ZMYND8: variants seen among roughly 807,000 people sequenced by gnomAD.
ZMYND8 encodes zinc finger MYND-type containing 8, also known as MYND-type zinc finger-containing chromatin reader ZMYND8.
In ZMYND8, 37 loss-of-function variants were observed where a neutral mutation model predicts 140.8. The ratio of observed to expected loss-of-function variants is 0.26; its 90% CI spans 0.20 to 0.35. The LOEUF is 0.35. ZMYND8 is among the 10% of genes least tolerant of loss of function. The pLI is 1.00. For synonymous variants in ZMYND8, 592 were observed against 597.1 expected, an observed-to-expected ratio of 0.99 and a Z score of 0.12; for missense variants, 1,068 against 1,570.0, an observed-to-expected ratio of 0.68 and a Z score of 5.40.
chr20:47,344,124 C>A (rs552105665), intron 2 of ZMYND8, among the ~76,000 whole-genome samples: 4 of 151,772 alleles, frequency 2.6e-5, no homozygotes, highest in Non-Finnish European at 5.9e-5. Context: ...ACTAGAGGTG[C>A]CTGCCACCAC....
chr20:47,230,139 T>C (rs928465362), intron 16 of ZMYND8, among the ~76,000 whole-genome samples: 1 of 152,146 alleles, frequency 6.6e-6, no homozygotes, highest in African/African-American at 2.4e-5. Flanking sequence ...ATTAATGGGG[T>C]AAAAATTTCC....
intron 2 of ZMYND8, among the ~76,000 whole-genome samples, chr20:47,313,240 A>T (rs927099490): frequency 2.4e-4 from 35 of 146,800 alleles, no homozygotes; most frequent in African/African-American, 7.9e-4. Flanking sequence ...AAAAAAAAAA[A>T]TTTAATTATA....
chr20:47,269,097 G>A (rs1339184884), intron 11 of ZMYND8, among the ~76,000 whole-genome samples: 1 of 152,140 alleles, frequency 6.6e-6, no homozygotes, highest in African/African-American at 2.4e-5. Flanking sequence ...TACTTGGGGG[G>A]CTGAGGCAAG....
chr20:47,272,228 C>T (rs991576333), intron 11 of ZMYND8, among the ~76,000 whole-genome samples: 1 of 151,920 alleles, frequency 6.6e-6, no homozygotes, highest in African/African-American at 2.4e-5. Context: ...CAGGCACATG[C>T]CACCACGCCC....
In ZMYND8 at chr20:47,236,521, G is replaced by T. The variant is rs767479256; in HGVS notation, c.2666-5C>A. On this transcript the variant is annotated splice_region_variant and splice_polypyrimidine_tract_variant and intron_variant, in intron 15 of 22. Coordinates refer to ENST00000471951, the MANE Select transcript of ZMYND8 (RefSeq NM_001281775.3). Reference sequence around the variant, plus strand: ...TGATCTCCTTCTGCTGGACAGCTAGGAAGGCAAAGCATCCTGATTACCCCA... The same window carrying T: ...TGATCTCCTTCTGCTGGACAGCTAGTAAGGCAAAGCATCCTGATTACCCCA... The T allele has an allele frequency of 2.6e-6, 4 of 1,555,356 alleles. No individual in the cohort carries two copies. The South Asian group carries it at 3.7e-5, about 14-fold the overall frequency.
chr20:47,347,433 C>G (rs1265708141), intron 2 of ZMYND8, among the ~76,000 whole-genome samples: 1 of 152,228 alleles, frequency 6.6e-6, no homozygotes, highest in Non-Finnish European at 1.5e-5. Context: ...ATCTCTAACC[C>G]AAGACCACCA....
At chr20:47,272,604 C>G (rs971924218) in intron 11 of ZMYND8, among the ~76,000 whole-genome samples, 2 of 152,198 alleles carry the variant, frequency 1.3e-5, no homozygotes, top group African/African-American at 4.8e-5. Context: ...CTTAGGCCAC[C>G]TAGCTAGCAA....
At chr20:47,345,666 C>T (rs2082272984) in intron 2 of ZMYND8, among the ~76,000 whole-genome samples, 1 of 152,040 alleles carries the variant, frequency 6.6e-6, no homozygotes, top group South Asian at 2.1e-4. Flanking sequence ...TGCTGCCACG[C>T]CCAGATAATT....
chr20:47,248,527 T>TTACAAATGCCC (rs1455492494), intron 13 of ZMYND8, among the ~76,000 whole-genome samples: 2 of 152,194 alleles, frequency 1.3e-5, no homozygotes, highest in Admixed American at 1.3e-4. Flanking sequence ...CCCCACTTCT[T>TTACAAATGCCC]TACAAATGCC....
chr20:47,338,650 A>T (rs376908534), intron 2 of ZMYND8, among the ~76,000 whole-genome samples: 2 of 152,268 alleles, frequency 1.3e-5, no homozygotes, highest in Admixed American at 6.5e-5. Context: ...CTGGAAACAG[A>T]AGCTACCACC....
At chr20:47,271,246 T>C (rs1311970249) in intron 11 of ZMYND8, among the ~76,000 whole-genome samples, 1 of 152,316 alleles carries the variant, frequency 6.6e-6, no homozygotes, top group East Asian at 1.9e-4. Flanking sequence ...GTAACACTTA[T>C]GGGTAACATG....
chr20:47,253,018 G>T (rs1568999059), intron 12 of ZMYND8, among the ~76,000 whole-genome samples: 2 of 152,242 alleles, frequency 1.3e-5, no homozygotes, highest in Non-Finnish European at 2.9e-5. Flanking sequence ...AAACAGATGG[G>T]TGTGGATGTG....
At chr20:47,355,039 C>A (rs551597507) in intron 1 of ZMYND8, among the ~76,000 whole-genome samples, 1 of 150,660 alleles carries the variant, frequency 6.6e-6, no homozygotes, top group East Asian at 2.0e-4. Flanking sequence ...CCCCCCAACA[C>A]ACACATACCA....
Position 47,346,459 on chromosome 20 carries a change from C to T in ZMYND8, c.85+1397G>A, listed in dbSNP as rs368593085. Among the ~76,000 whole-genome samples, 6 of 152,300 alleles carry T rather than the reference C, an allele frequency of 3.9e-5. No homozygotes were observed. In the South Asian group the frequency reaches 8.3e-4, roughly 21 times the overall value. ...TCCGCCCAGCCTCCTCCTGCTGCTC[C>T]CCAGCACACAGCACCCACCCAGTAA... On this transcript the variant is annotated intron_variant, in intron 2 of 22. Transcript: ENST00000471951.
chr20:47,294,619 G>A, intron 5 of ZMYND8, 47 bp downstream of exon 5: 2 of 1,557,600 alleles, frequency 1.3e-6, no homozygotes, highest in Non-Finnish European at 1.8e-6. Context: ...CAAAACATAT[G>A]TCATTACGTT....
In ZMYND8 at chr20:47,260,757, CTTG is replaced by C. The variant is rs2075096915; in HGVS notation, c.1621+1528_1621+1530del. On this transcript the variant is annotated intron_variant, in intron 12 of 22. Transcript: ENST00000471951. ...AACTGCCTCTCATGGTGTGAACTGCCTTGTTATTTGCCTTTATTATTTTCTCTA... is the reference window on the plus strand; with the variant it reads ...AACTGCCTCTCATGGTGTGAACTGCCTTATTTGCCTTTATTATTTTCTCTA... Among the ~76,000 whole-genome samples the C allele has an allele frequency of 3.9e-5, 6 of 152,306 alleles. No individual in the cohort carries two copies. In the South Asian group the frequency reaches 1.2e-3, roughly 32 times the overall value.
Position 47,221,417 on chromosome 20 carries a change from G to T in ZMYND8, c.3314C>A (p.Ser1105Tyr), listed in dbSNP as rs779620807. ...TGTGCTCGAGGAGCTCCCCTGGGAG[G>T]ACTTATTTAGTGTTTCTGTGTTCAC... ...AEVNTETLNK[S>Y]SQGSSSSTQS... is the part of the protein sequence containing the mutation. The change falls in exon 20 of 23, where the codon TCC (serine) becomes TAC (tyrosine). Residue 1105 changes from serine to tyrosine, a missense_variant. Ser to Tyr is a moderately radical substitution (Grantham distance 144). This residue lies in a region of ZMYND8 where 180 missense variants were observed against 187.8 expected (regional missense o/e 0.96). Coordinates refer to ENST00000471951, the MANE Select transcript of ZMYND8 (RefSeq NM_001281775.3). 1 of 1,614,188 alleles carries T rather than the reference G, an allele frequency of 6.2e-7. No individual in the cohort carries two copies. Among genetic ancestry groups the T allele is most frequent in the South Asian group, 1.1e-5 (1 of 91,084 alleles).
At chr20:47,356,264 T>G (rs1194545631) in intron 1 of ZMYND8, 2 of 954,996 alleles carry the variant, frequency 2.1e-6, no homozygotes, top group Non-Finnish European at 2.6e-6. Context: ...GAGAAGACAA[T>G]AGTGCAGGGG....
At chr20:47,238,702 T>A (rs1231899402) in intron 15 of ZMYND8, 56 bp downstream of exon 15, 7 of 1,558,334 alleles carry the variant, frequency 4.5e-6, no homozygotes, top group Non-Finnish European at 6.1e-6. Flanking sequence ...CTTTCTCCTG[T>A]CGATGTGGCA....
Sources: gnomAD v4.1 joint callset for allele counts (sites outside exome capture counted in the v4.1 genomes callset) on GRCh38, gnomAD v4.1.1 for gene constraint, gnomAD v4.1.1 regional missense constraint, MANE v1.5 for transcripts, NCBI Gene and HGNC (gene_info 2026-07-23, HGNC 2026-07-21) for gene names.